DLG2: variants seen among roughly 807,000 people sequenced by gnomAD.
DLG2 encodes discs large MAGUK scaffold protein 2.
DLG2 carries 45 observed loss-of-function variants against 132.5 expected under a neutral mutation model. That is an observed-to-expected ratio of 0.34 (90% CI 0.27 to 0.44). The LOEUF (loss-of-function observed/expected upper bound fraction) is 0.44, where lower values mean the gene tolerates loss of function less well. Among genes scored for constraint, DLG2 ranks in the 20% least tolerant of loss-of-function variants. The pLI is 1.00. For missense variants in DLG2, 1,045 were observed against 1,196.9 expected (o/e 0.87, Z 1.87); for synonymous variants, 424 against 419.6 (o/e 1.01, Z -0.13).
At chr11:84,663,441 G>A (rs969602411) in intron 6 of DLG2, among the ~76,000 whole-genome samples, 9 of 152,004 alleles carry the variant, frequency 5.9e-5, no homozygotes, top group African/African-American at 2.2e-4. Flanking sequence ...ACAGTCTATT[G>A]ACAGGATATC....
chr11:84,399,266 C>A (rs2098821397), intron 7 of DLG2, among the ~76,000 whole-genome samples: 1 of 152,118 alleles, frequency 6.6e-6, no homozygotes. Context: ...GAGAAGCTAT[C>A]TCTGGCCTCT....
chr11:84,171,972 G>C (rs1403959873), intron 8 of DLG2, among the ~76,000 whole-genome samples: 1 of 151,946 alleles, frequency 6.6e-6, no homozygotes, highest in Non-Finnish European at 1.5e-5. Flanking sequence ...CTTTTTTCAA[G>C]TTACAGCGCA....
At chr11:85,512,861 A>G (rs1176462163) in intron 3 of DLG2, among the ~76,000 whole-genome samples, 1 of 152,092 alleles carries the variant, frequency 6.6e-6, no homozygotes, top group Non-Finnish European at 1.5e-5. Flanking sequence ...AAGGAAAATA[A>G]ACTGTTCTAA....
intron 6 of DLG2, among the ~76,000 whole-genome samples, chr11:84,607,555 T>G (rs2154536238): frequency 6.6e-6 from 1 of 152,208 alleles, no homozygotes; most frequent in Middle Eastern, 3.4e-3. Context: ...TCTCCTGAAC[T>G]TATTAAATAA....
intron 18 of DLG2, among the ~76,000 whole-genome samples, chr11:83,697,866 C>T (rs768433529): frequency 2.0e-5 from 3 of 152,172 alleles, no homozygotes; most frequent in Non-Finnish European, 2.9e-5. Context: ...AGAATTATGA[C>T]ATTTACTTTA....
At position 84,462,809 on chromosome 11, in the gene DLG2, G is replaced by A. The variant is rs1394556829; in HGVS notation, c.519+71761C>T. Among the ~76,000 whole-genome samples, 6 of 151,010 alleles carry A rather than the reference G, an allele frequency of 4.0e-5. No individual in the cohort carries two copies. In the East Asian group the frequency reaches 5.9e-4, roughly 15 times the overall value. Reference sequence around the variant, plus strand: ...CTGAGCAAAACTATTAGTGGCCAACGTAACAACTGGTCCCAGTCTTTTAAG... The same window carrying A: ...CTGAGCAAAACTATTAGTGGCCAACATAACAACTGGTCCCAGTCTTTTAAG... On this transcript the variant is annotated intron_variant, in intron 7 of 27. Transcript: ENST00000376104.
chr11:83,963,738 C>T (rs985502461), intron 13 of DLG2, among the ~76,000 whole-genome samples: 2 of 151,712 alleles, frequency 1.3e-5, no homozygotes, highest in African/African-American at 4.8e-5. Context: ...ATTTTAATAC[C>T]CCCCAACACA....
At chr11:84,987,478 AG>A (rs2154123072) in intron 6 of DLG2, among the ~76,000 whole-genome samples, 1 of 152,324 alleles carries the variant, frequency 6.6e-6, no homozygotes, top group East Asian at 1.9e-4. Context: ...CTAAGCAAAA[AG>A]AACAAATCTG....
chr11:85,044,430 T>C (rs57581050), intron 6 of DLG2, among the ~76,000 whole-genome samples: 1 of 152,146 alleles, frequency 6.6e-6, no homozygotes, highest in African/African-American at 2.4e-5. Context: ...CTAGATGGTA[T>C]ATATGGCCCA....
chr11:85,287,196 A>G (rs1478375770), intron 3 of DLG2, among the ~76,000 whole-genome samples: 1 of 152,130 alleles, frequency 6.6e-6, no homozygotes, highest in Non-Finnish European at 1.5e-5. Context: ...TCAATTATGC[A>G]TAAAATATAT....
intron 7 of DLG2, among the ~76,000 whole-genome samples, chr11:84,532,808 T>C (rs1020955413): frequency 6.6e-6 from 1 of 152,094 alleles, no homozygotes; most frequent in Admixed American, 6.6e-5. Flanking sequence ...TGGAGGTTCT[T>C]ATAGGGAGTT....
chr11:84,227,931 A>AG (rs1170285980), intron 8 of DLG2, among the ~76,000 whole-genome samples: 1 of 150,824 alleles, frequency 6.6e-6, no homozygotes, highest in Non-Finnish European at 1.5e-5. Context: ...AAAAAAAAAA[A>AG]ATGTATGTTG....
intron 4 of DLG2, among the ~76,000 whole-genome samples, chr11:85,264,032 G>T (rs146229355): frequency 6.6e-6 from 1 of 152,122 alleles, no homozygotes; most frequent in Non-Finnish European, 1.5e-5. Flanking sequence ...AGATAAGGTC[G>T]TGCTGCTAGG....
chr11:84,850,765 A>G (rs1235791084), intron 6 of DLG2, among the ~76,000 whole-genome samples: 1 of 152,154 alleles, frequency 6.6e-6, no homozygotes, highest in Non-Finnish European at 1.5e-5. Context: ...ATAATCCAAA[A>G]ATGAAATTAA....
At chr11:84,698,918 T>C (rs2058903522) in intron 6 of DLG2, among the ~76,000 whole-genome samples, 1 of 151,610 alleles carries the variant, frequency 6.6e-6, no homozygotes, top group Admixed American at 6.6e-5. Flanking sequence ...ATGTATAGTA[T>C]GAAATAGTCA....
chr11:84,650,865 G>GTATA (rs1416161421), intron 6 of DLG2, among the ~76,000 whole-genome samples: 37 of 87,826 alleles, frequency 4.2e-4, no homozygotes, highest in African/African-American at 1.4e-3. Context: ...GTGTGTGTGT[G>GTATA]TGTGTGTGTA....
chr11:85,003,313 T>A (rs1447796086), intron 6 of DLG2, among the ~76,000 whole-genome samples: 1 of 152,042 alleles, frequency 6.6e-6, no homozygotes, highest in Non-Finnish European at 1.5e-5. Flanking sequence ...ACCGATGACA[T>A]CCCATGCATT....
At chr11:85,237,798 T>C (rs1019061770) in intron 4 of DLG2, among the ~76,000 whole-genome samples, 1 of 152,070 alleles carries the variant, frequency 6.6e-6, no homozygotes, top group Non-Finnish European at 1.5e-5. Context: ...TTTGGAGACA[T>C]AGCACCAGAG....
At chr11:85,084,987 G>C (rs1194500736) in intron 6 of DLG2, among the ~76,000 whole-genome samples, 2 of 152,106 alleles carry the variant, frequency 1.3e-5, no homozygotes, top group Admixed American at 6.5e-5. Context: ...TAAACTGTTA[G>C]TTTGGTCCAG....
Sources: gnomAD v4.1 joint callset for allele counts (sites outside exome capture counted in the v4.1 genomes callset) on GRCh38, gnomAD v4.1.1 for gene constraint, MANE v1.5 for transcripts, NCBI Gene and HGNC (gene_info 2026-07-23, HGNC 2026-07-21) for gene names.